Variants in RAF1 observed in about 807,000 individuals in gnomAD.
RAF1 encodes Raf-1 proto-oncogene, serine/threonine kinase, also known as RAF proto-oncogene serine/threonine-protein kinase.
RAF1 carries 27 observed loss-of-function variants against 81.1 expected under a neutral mutation model. That is an observed-to-expected ratio of 0.33 (90% CI 0.25 to 0.46). The LOEUF is 0.46. Ranked by LOEUF, RAF1 falls within the 20% of genes least tolerant of loss-of-function variation. The probability of loss-of-function intolerance (pLI) is 1.00; values close to 1 mark genes in which losing one functional copy is unlikely to be tolerated. For synonymous variants in RAF1, 298 were observed against 294.0 expected, an observed-to-expected ratio of 1.01 and a Z score of -0.14; for missense variants, 598 against 826.0, an observed-to-expected ratio of 0.72 and a Z score of 3.38.
At chr3:12,658,619 G>C (rs1559497005) in intron 1 of RAF1, among the ~76,000 whole-genome samples, 1 of 152,034 alleles carries the variant, frequency 6.6e-6, no homozygotes, top group East Asian at 1.9e-4. Flanking sequence ...AACAAAAAAA[G>C]AAACAAACAA....
intron 2 of RAF1, 146 bp downstream of exon 2, chr3:12,618,368 TA>T: frequency 1.2e-6 from 1 of 809,896 alleles, no homozygotes; most frequent in Non-Finnish European, 2.0e-6. Flanking sequence ...AACAGCAATA[TA>T]AAAAAATAAA....
At chr3:12,602,860 A>T (rs1366893531) in intron 8 of RAF1, among the ~76,000 whole-genome samples, 3 of 152,170 alleles carry the variant, frequency 2.0e-5, no homozygotes, top group African/African-American at 7.2e-5. Flanking sequence ...ACATGATGAG[A>T]GAGAGCATAG....
At chr3:12,599,452 C>G (rs751863967) in intron 11 of RAF1, among the ~76,000 whole-genome samples, 6 of 152,198 alleles carry the variant, frequency 3.9e-5, no homozygotes, top group Admixed American at 2.6e-4. Context: ...GAGAAGTACT[C>G]CTGACATTTG....
chr3:12,618,498 G>A lies in RAF1; in HGVS notation c.207+17C>T. 2 of 1,613,600 alleles carry A rather than the reference G, an allele frequency of 1.2e-6. No individual in the cohort carries two copies. Among genetic ancestry groups the A allele is most frequent in the Non-Finnish European group, 1.7e-6 (2 of 1,179,570 alleles). On this transcript the variant is annotated intron_variant, in intron 2 of 17. Coordinates refer to ENST00000442415, the MANE Select transcript of RAF1 (RefSeq NM_001354689.3). ...GCAGATAAATAGCTAAATTTCCTAA[G>A]TAGAATGTTCACATACCACTGTTCT...
intron 2 of RAF1, among the ~76,000 whole-genome samples, chr3:12,613,527 A>G (rs1327003362): frequency 6.6e-6 from 1 of 151,582 alleles, no homozygotes; most frequent in African/African-American, 2.4e-5. Context: ...AAAAGGCCCA[A>G]AGTGTTCTTA....
intron 2 of RAF1, among the ~76,000 whole-genome samples, chr3:12,614,125 T>A (rs557070082): frequency 6.6e-6 from 1 of 152,278 alleles, no homozygotes; most frequent in East Asian, 1.9e-4. Context: ...TAGATAAAGA[T>A]TGATCATAAG....
At chr3:12,619,809 A>G (rs1461038076) in intron 1 of RAF1, among the ~76,000 whole-genome samples, 1 of 152,104 alleles carries the variant, frequency 6.6e-6, no homozygotes, top group African/African-American at 2.4e-5. Context: ...CAAGCCGGGC[A>G]TGGTGGCTCA....
chr3:12,641,107 G>T (rs1489356928), intron 1 of RAF1, among the ~76,000 whole-genome samples: 1 of 151,338 alleles, frequency 6.6e-6, no homozygotes, highest in Non-Finnish European at 1.5e-5. Flanking sequence ...GCAAACTATT[G>T]CAAGGACAGA....
chr3:12,619,853 TG>T (rs2059500436), intron 1 of RAF1, among the ~76,000 whole-genome samples: 2 of 152,014 alleles, frequency 1.3e-5, no homozygotes, highest in African/African-American at 2.4e-5. Flanking sequence ...GAGGCCGAGA[TG>T]GGCGGATCAC....
intron 5 of RAF1, among the ~76,000 whole-genome samples, chr3:12,608,023 C>T (rs189966486): frequency 2.0e-5 from 3 of 148,582 alleles, no homozygotes; most frequent in Non-Finnish European, 3.0e-5. Context: ...GCCATTTGTG[C>T]TACTCAAGCT....
chr3:12,613,436 G>GC (rs1223628559), intron 2 of RAF1, among the ~76,000 whole-genome samples: 1 of 125,778 alleles, frequency 8.0e-6, no homozygotes, highest in Non-Finnish European at 1.7e-5. Context: ...CCCACACCCC[G>GC]CCCCCAGAAG....
chr3:12,618,427 T>G, intron 2 of RAF1, 88 bp downstream of exon 2: 2 of 1,358,966 alleles, frequency 1.5e-6, no homozygotes, highest in Non-Finnish European at 2.1e-6. Flanking sequence ...ACAATGAATA[T>G]TTTGCCTGTC....
chr3:12,585,327 C>A (rs2058297144), intron 15 of RAF1, 74 bp from the exon 15 acceptor site: 1 of 1,600,946 alleles, frequency 6.2e-7, no homozygotes, highest in Non-Finnish European at 8.5e-7. Context: ...AGGGGCCAGG[C>A]TGTCCCTTTC....
intron 1 of RAF1, among the ~76,000 whole-genome samples, chr3:12,645,356 C>T (rs543665729): frequency 6.6e-6 from 1 of 152,094 alleles, no homozygotes; most frequent in South Asian, 2.1e-4. Context: ...CAGGCTAAAG[C>T]AGGTATTATT....
chr3:12,656,218 TAGA>T (rs750271878), intron 1 of RAF1, among the ~76,000 whole-genome samples: 4 of 151,150 alleles, frequency 2.6e-5, no homozygotes, highest in Non-Finnish European at 5.9e-5. Flanking sequence ...TCAAAAATGG[TAGA>T]AGATTATCAT....
intron 8 of RAF1, among the ~76,000 whole-genome samples, chr3:12,600,942 C>T (rs770749939): frequency 5.3e-5 from 8 of 152,222 alleles, no homozygotes; most frequent in Non-Finnish European, 1.0e-4. Context: ...CATACTCTTT[C>T]AAGGGAAGCT....
chr3:12,584,597 C>G lies in RAF1; in HGVS notation c.1924G>C (p.Glu642Gln), dbSNP rs1413563094. Residue 642 changes from glutamate (E) to glutamine (Q), a missense_variant, in exon 18 of 18, where the codon GAG becomes CAG. Physicochemically the swap from Glu to Gln is conservative, Grantham distance 29 (BLOSUM62 2). Around this residue, in one of 5 missense-constraint regions of RAF1, gnomAD observed 147 missense variants for 196.1 expected, o/e 0.75. Transcript: ENST00000442415. ...TGGGCTGCCCGATGCAAGGATGGCT[C>G]GGAAGCGCTCCGGTTGATCTTCGGT... is the stretch of plus-strand genomic sequence containing the variant. 3 of 1,614,094 alleles carry G rather than the reference C, an allele frequency of 1.9e-6. No individual in the cohort carries two copies. Among genetic ancestry groups the G allele is most frequent in the Non-Finnish European group, 2.5e-6 (3 of 1,180,000 alleles).
In RAF1 at chr3:12,583,889, A is replaced by G. The variant is rs748386624; in HGVS notation, c.*625T>C. 1.3e-5 allele frequency: 3 copies of G among 235,110 alleles called. No homozygotes were observed. Among genetic ancestry groups the G allele is most frequent in the Middle Eastern group, 2.5e-3 (2 of 786 alleles). The allele number at this position is 235,110 out of a possible 1,614,324, so 14.6% of individuals were successfully genotyped here. ...GCTCCCTGAGAGGGCTGAGATGCGG[A>G]TTGGCCGAGTGCCTTGCCTGGAAAA... On this transcript the variant is annotated 3_prime_UTR_variant, in exon 18 of 18. Coordinates refer to ENST00000442415, the MANE Select transcript of RAF1 (RefSeq NM_001354689.3).
At chr3:12,611,623 C>T (rs2059211722) in intron 3 of RAF1, among the ~76,000 whole-genome samples, 1 of 152,164 alleles carries the variant, frequency 6.6e-6, no homozygotes, top group Non-Finnish European at 1.5e-5. Flanking sequence ...TGGCGTGAAC[C>T]CGGGAGGCGG....
Sources: gnomAD v4.1 joint callset for allele counts (sites outside exome capture counted in the v4.1 genomes callset) on GRCh38, gnomAD v4.1.1 for gene constraint, gnomAD v4.1.1 regional missense constraint, MANE v1.5 for transcripts, NCBI Gene and HGNC (gene_info 2026-07-23, HGNC 2026-07-21) for gene names.